Variants in TMPRSS11B observed in about 807,000 individuals in gnomAD.
TMPRSS11B encodes the protein transmembrane serine protease 11B, also known as transmembrane protease serine 11B.
A neutral mutation model predicts 44.7 loss-of-function variants in TMPRSS11B; 53 were observed. The ratio of observed to expected loss-of-function variants is 1.19; its 90% CI spans 0.95 to 1.49. The LOEUF is 1.49. Among genes scored for constraint, TMPRSS11B ranks in the 40% most tolerant of loss-of-function variants. The pLI, the probability that TMPRSS11B is intolerant of heterozygous loss-of-function variation, is 0.00. For missense variants in TMPRSS11B, 526 were observed against 494.8 expected, an observed-to-expected ratio of 1.06 and a Z score of -0.60; for synonymous variants, 140 against 159.2, an observed-to-expected ratio of 0.88 and a Z score of 0.91.
chr4:68,244,456 C>T (rs1164204660), intron 1 of TMPRSS11B, among the ~76,000 whole-genome samples: 1 of 152,166 alleles, frequency 6.6e-6, no homozygotes, highest in Non-Finnish European at 1.5e-5. Context: ...GAAACCCCAT[C>T]TCTACCAAAA....
chr4:68,231,142 C>A, intron 7 of TMPRSS11B, 61 bp downstream of exon 7: 1 of 1,464,176 alleles, frequency 6.8e-7, no homozygotes, highest in Non-Finnish European at 9.1e-7. Flanking sequence ...TTAACCCCTA[C>A]AAACTATCCA....
Position 68,241,783 on chromosome 4 carries a change from T to C in TMPRSS11B, c.30A>G (p.Arg10=). Residue 10 remains arginine, a synonymous_variant, in exon 2 of 10, where the codon AGA becomes AGG. Transcript: ENST00000332644. The stretch of plus-strand genomic sequence containing the variant: ...AGATCGTAGTCCATAGTGGCCAAGA[T>C]CTTTGGGAAGATATGCCGTGCCTAT... The part of the protein sequence containing the change: MYRHGISSQ[R]SWPLWTTIFI... The C allele has an allele frequency of 6.2e-7, 1 of 1,613,164 alleles. No homozygotes were observed. Among genetic ancestry groups the C allele is most frequent in the Non-Finnish European group, 8.5e-7 (1 of 1,179,400 alleles).
chr4:68,241,419 T>C (rs184263728), intron 2 of TMPRSS11B, among the ~76,000 whole-genome samples: 2 of 152,252 alleles, frequency 1.3e-5, no homozygotes, highest in Admixed American at 6.6e-5. Flanking sequence ...ACAAGCCTAC[T>C]ATAAGCTCCT....
intron 2 of TMPRSS11B, among the ~76,000 whole-genome samples, chr4:68,239,368 G>A (rs1410316679): frequency 2.0e-5 from 3 of 152,094 alleles, no homozygotes; most frequent in African/African-American, 7.2e-5. Context: ...GAAAGGCCAC[G>A]GGAAGGCACA....
At chr4:68,228,472 G>A (rs1577974221) in intron 9 of TMPRSS11B, among the ~76,000 whole-genome samples, 1 of 152,148 alleles carries the variant, frequency 6.6e-6, no homozygotes, top group Non-Finnish European at 1.5e-5. Context: ...CCAGAAAATA[G>A]GACAAAATTC....
At chr4:68,238,529 C>G (rs895898398) in intron 2 of TMPRSS11B, among the ~76,000 whole-genome samples, 1 of 150,700 alleles carries the variant, frequency 6.6e-6, no homozygotes, top group Non-Finnish European at 1.5e-5. Context: ...TCAAGACCAG[C>G]CTAGCCAACA....
In TMPRSS11B at chr4:68,245,663, A is replaced by T. The variant is rs2109968527; in HGVS notation, c.-105T>A. The T allele has an allele frequency of 1.4e-6, 2 of 1,404,512 alleles. No individual in the cohort carries two copies. The highest frequency in any genetic ancestry group is 1.8e-4 in the Middle Eastern group (1 of 5,644). The allele number at this position is 1,404,512 out of a possible 1,614,324, so 87.0% of individuals were successfully genotyped here. The stretch of plus-strand genomic sequence containing the variant: ...TGGTAATAGTGATGACAAAAGTTAG[A>T]ACCTTCTGACGCAGCTTTTGACTTA... On this transcript the variant is annotated 5_prime_UTR_variant, in exon 1 of 10. Coordinates refer to ENST00000332644, the MANE Select transcript of TMPRSS11B (RefSeq NM_182502.3).
chr4:68,231,548 G>T (rs1314837934), intron 6 of TMPRSS11B, among the ~76,000 whole-genome samples, 168 bp from the exon 7 acceptor site: 4 of 152,092 alleles, frequency 2.6e-5, no homozygotes, highest in Admixed American at 2.0e-4. Context: ...ATTCTATCTT[G>T]GTTTGAGTGG....
chr4:68,227,930 G>C lies in TMPRSS11B; in HGVS notation c.1232C>G (p.Thr411Arg). 3.7e-6 allele frequency: 6 copies of C among 1,611,714 alleles called. No individual in the cohort carries two copies. The highest frequency in any genetic ancestry group is 5.1e-6 in the Non-Finnish European group (6 of 1,179,216). ...TTTTTTTCAGAGTCCAGTCTTGGAT[G>C]TAATCCAATTGCGATAAGAAGTCAC... ...TRVTSYRNWI[T>R]SKTGL is the part of the protein sequence containing the mutation. Residue 411 changes from threonine to arginine, a missense_variant, in exon 10 of 10, where the codon ACA becomes AGA. Transcript: ENST00000332644.
chr4:68,245,431 A>G (rs1560446586), intron 1 of TMPRSS11B, 120 bp downstream of exon 1: 1 of 1,075,318 alleles, frequency 9.3e-7, no homozygotes, highest in South Asian at 1.3e-5. Context: ...GTGTTTCTTA[A>G]CAGTGTCCAG....
intron 2 of TMPRSS11B, among the ~76,000 whole-genome samples, chr4:68,236,468 C>A (rs1407188264): frequency 6.6e-6 from 1 of 152,070 alleles, no homozygotes; most frequent in Non-Finnish European, 1.5e-5. Context: ...TATACCTCTG[C>A]CTCAACATTC....
chr4:68,229,520 G>C lies in TMPRSS11B; in HGVS notation c.687-4C>G. On this transcript the variant is annotated splice_polypyrimidine_tract_variant and splice_region_variant and intron_variant, in intron 7 of 9. Coordinates refer to ENST00000332644, the MANE Select transcript of TMPRSS11B (RefSeq NM_182502.3). ...CCAATCTTTTGAATTATTTTTCCTAGAGGACACAATGTAATTAGAATACAC... is the reference window on the plus strand; with the variant it reads ...CCAATCTTTTGAATTATTTTTCCTACAGGACACAATGTAATTAGAATACAC... 6.2e-7 allele frequency: 1 copy of C among 1,609,440 alleles called. No homozygotes were observed. Among genetic ancestry groups the C allele is most frequent in the Non-Finnish European group, 8.5e-7 (1 of 1,177,308 alleles).
intron 2 of TMPRSS11B, among the ~76,000 whole-genome samples, chr4:68,238,492 G>A (rs1577979336): frequency 6.6e-6 from 1 of 151,916 alleles, no homozygotes; most frequent in African/African-American, 2.4e-5. Context: ...GGAGGCAGAG[G>A]TGAGAGGATC....
At chr4:68,235,455 C>T (rs72649689) in intron 4 of TMPRSS11B, among the ~76,000 whole-genome samples, 78 of 152,230 alleles carry the variant, frequency 5.1e-4, no homozygotes, top group Non-Finnish European at 7.5e-4. Flanking sequence ...TACTCTTCCC[C>T]CATACACTAT....
chr4:68,239,737 C>A (rs1343711950), intron 2 of TMPRSS11B, among the ~76,000 whole-genome samples: 3 of 152,034 alleles, frequency 2.0e-5, no homozygotes, highest in African/African-American at 4.8e-5. Flanking sequence ...TATAACAATA[C>A]CTATACATCA....
chr4:68,227,862 A>G lies in TMPRSS11B; in HGVS notation c.*49T>C. 1.5e-6 allele frequency: 2 copies of G among 1,363,768 alleles called. No individual in the cohort carries two copies. The highest frequency in any genetic ancestry group is 1.9e-6 in the Non-Finnish European group (2 of 1,045,834). 84.5% of individuals were successfully genotyped at this position (1,363,768 alleles called of 1,614,324 possible). A position where few individuals can be genotyped will look rare whatever the true frequency, so the allele number is the denominator to read the frequency against. On this transcript the variant is annotated 3_prime_UTR_variant, in exon 10 of 10. Transcript: ENST00000332644. ...TAAAAAGATCCCAAAGCCACAGATA[A>G]GGATAGCCTACAGTGGTCTTTATGT...
intron 2 of TMPRSS11B, among the ~76,000 whole-genome samples, chr4:68,239,812 G>A (rs1213859545): frequency 6.6e-6 from 1 of 152,174 alleles, no homozygotes; most frequent in Non-Finnish European, 1.5e-5. Flanking sequence ...AACTGGATCA[G>A]CTAACCTAAG....
intron 1 of TMPRSS11B, among the ~76,000 whole-genome samples, chr4:68,243,591 G>T (rs1008196860): frequency 8.6e-5 from 13 of 151,962 alleles, no homozygotes; most frequent in African/African-American, 2.9e-4. Context: ...CAGCCTCACA[G>T]AAAAAAGTCT....
chr4:68,236,077 G>C lies in TMPRSS11B; in HGVS notation c.241-8C>G. 3 of 1,585,304 alleles carry C rather than the reference G, an allele frequency of 1.9e-6. No individual in the cohort carries two copies. Among genetic ancestry groups the C allele is most frequent in the Non-Finnish European group, 2.6e-6 (3 of 1,166,868 alleles). ...TTGAAATGCATTTAACATCTGACAA[G>C]AGAAAAAAAACAGTCATCATGTATG... On this transcript the variant is annotated splice_polypyrimidine_tract_variant and splice_region_variant and intron_variant, in intron 3 of 9. Coordinates refer to ENST00000332644, the MANE Select transcript of TMPRSS11B (RefSeq NM_182502.3).
Sources: allele counts gnomAD v4.1 joint callset (sites outside exome capture counted in the v4.1 genomes callset), GRCh38; gene constraint gnomAD v4.1.1; transcripts MANE v1.5; gene names NCBI Gene and HGNC (gene_info 2026-07-23, HGNC 2026-07-21).